HS6ST3: variants seen among roughly 807,000 people sequenced by gnomAD.
HS6ST3 encodes heparan-sulfate 6-O-sulfotransferase 3.
A neutral mutation model predicts 36.7 loss-of-function variants in HS6ST3; 12 were observed. The ratio of observed to expected loss-of-function variants is 0.33; its 90% CI spans 0.21 to 0.53. The LOEUF (loss-of-function observed/expected upper bound fraction) is 0.53, where lower values mean the gene tolerates loss of function less well. Among genes scored for constraint, HS6ST3 ranks in the 20% least tolerant of loss-of-function variants. The probability of loss-of-function intolerance (pLI) is 0.95; values close to 1 mark genes in which losing one functional copy is unlikely to be tolerated. For synonymous variants in HS6ST3, 240 were observed against 257.5 expected (o/e 0.93, Z 0.65); for missense variants, 584 against 640.9 (o/e 0.91, Z 0.96).
intron 1 of HS6ST3, among the ~76,000 whole-genome samples, chr13:96,199,497 C>T (rs894872205): frequency 4.6e-5 from 7 of 152,068 alleles, no homozygotes; most frequent in Admixed American, 2.0e-4. Context: ...ACTTAGCAGG[C>T]TATTATGTAG....
chr13:96,378,111 C>A (rs780003965), intron 1 of HS6ST3, among the ~76,000 whole-genome samples: 7 of 152,206 alleles, frequency 4.6e-5, no homozygotes, highest in Non-Finnish European at 8.8e-5. Flanking sequence ...GACCCCAAAT[C>A]TTGTTTTTGA....
At chr13:96,387,178 C>T (rs1265036268) in intron 1 of HS6ST3, among the ~76,000 whole-genome samples, 1 of 152,150 alleles carries the variant, frequency 6.6e-6, no homozygotes, top group African/African-American at 2.4e-5. Flanking sequence ...TAATATATAG[C>T]TTTGAGATGC....
rs543415977 is a variant in HS6ST3 at position 96,560,780 on chromosome 13, A to G, written c.708-271710A>G. Reference sequence around the variant, plus strand: ...TCAAGAACGTAATGCCATTTACAATAGCTGCAAAATATAGAATACCTAGAA... The same window carrying G: ...TCAAGAACGTAATGCCATTTACAATGGCTGCAAAATATAGAATACCTAGAA... On this transcript the variant is annotated intron_variant, in intron 1 of 1. Coordinates refer to ENST00000376705, the MANE Select transcript of HS6ST3 (RefSeq NM_153456.4). 3.9e-5 allele frequency among the ~76,000 whole-genome samples: 6 copies of G among 152,310 alleles called. No homozygotes were observed. The South Asian group carries it at 1.0e-3, about 26-fold the overall frequency.
At chr13:96,218,389 A>G (rs1336421393) in intron 1 of HS6ST3, among the ~76,000 whole-genome samples, 1 of 152,214 alleles carries the variant, frequency 6.6e-6, no homozygotes, top group African/African-American at 2.4e-5. Context: ...CTCACAGGAC[A>G]GCCTCTGGGG....
intron 1 of HS6ST3, among the ~76,000 whole-genome samples, chr13:96,411,977 G>A (rs925309514): frequency 4.6e-5 from 7 of 151,914 alleles, no homozygotes; most frequent in African/African-American, 1.7e-4. Context: ...AAGGTGGTAT[G>A]CCTGGTATTT....
At chr13:96,180,703 T>C (rs989971813) in intron 1 of HS6ST3, among the ~76,000 whole-genome samples, 5 of 152,208 alleles carry the variant, frequency 3.3e-5, no homozygotes, top group African/African-American at 1.2e-4. Context: ...CTCACAACAA[T>C]TCTATGAGGC....
intron 1 of HS6ST3, among the ~76,000 whole-genome samples, chr13:96,735,733 A>G (rs1048067012): frequency 3.9e-5 from 6 of 152,216 alleles, no homozygotes; most frequent in Admixed American, 3.9e-4. Flanking sequence ...AGTGGAGCTA[A>G]GACTAAATGT....
At chr13:96,246,389 T>C (rs2054585148) in intron 1 of HS6ST3, among the ~76,000 whole-genome samples, 1 of 152,154 alleles carries the variant, frequency 6.6e-6, no homozygotes, top group Non-Finnish European at 1.5e-5. Flanking sequence ...TGCTAATAGG[T>C]TGAAACATTG....
chr13:96,106,160 ACGTC>A (rs1594677871), intron 1 of HS6ST3, among the ~76,000 whole-genome samples: 1 of 152,370 alleles, frequency 6.6e-6, no homozygotes. Flanking sequence ...TAAAGTATTA[ACGTC>A]CAATAAATTC....
At chr13:96,093,970 G>A (rs1245013086) in intron 1 of HS6ST3, among the ~76,000 whole-genome samples, 1 of 152,152 alleles carries the variant, frequency 6.6e-6, no homozygotes, top group Admixed American at 6.5e-5. Flanking sequence ...AAATTGATAA[G>A]TAGATCTTGT....
At chr13:96,786,298 C>A (rs1033919785) in intron 1 of HS6ST3, among the ~76,000 whole-genome samples, 9 of 143,210 alleles carry the variant, frequency 6.3e-5, no homozygotes, top group African/African-American at 2.5e-4. Flanking sequence ...TGCTCCAGTT[C>A]CATGTTCATC....
chr13:96,168,125 G>A lies in HS6ST3; in HGVS notation c.707+76556G>A, dbSNP rs1054020737. ...AAAATAATCTGGGCCTCTAGACCGT[G>A]AAAACTAGTCTCTATTTATTTTGGG... On this transcript the variant is annotated intron_variant, in intron 1 of 1. Transcript: ENST00000376705. Among the ~76,000 whole-genome samples the A allele has an allele frequency of 3.3e-5, 5 of 152,134 alleles. No homozygotes were observed. The East Asian group carries it at 9.6e-4, about 29-fold the overall frequency.
intron 1 of HS6ST3, among the ~76,000 whole-genome samples, chr13:96,118,666 A>G (rs1157070736): frequency 1.9e-4 from 2 of 10,394 alleles, no homozygotes; most frequent in African/African-American, 3.9e-4. Context: ...ATATATATAT[A>G]TATATATATA....
intron 1 of HS6ST3, among the ~76,000 whole-genome samples, chr13:96,250,585 C>G (rs1287505043): frequency 2.0e-5 from 3 of 152,140 alleles, no homozygotes; most frequent in East Asian, 3.8e-4. Context: ...GAATAACAGT[C>G]TCTGTCAGTA....
At chr13:96,544,244 G>T (rs531851507) in intron 1 of HS6ST3, among the ~76,000 whole-genome samples, 12 of 152,190 alleles carry the variant, frequency 7.9e-5, no homozygotes, top group African/African-American at 2.9e-4. Context: ...CACTGACAGG[G>T]ATACTTATAA....
intron 1 of HS6ST3, among the ~76,000 whole-genome samples, chr13:96,588,987 G>T (rs1475341241): frequency 2.0e-5 from 3 of 149,320 alleles, no homozygotes; most frequent in Non-Finnish European, 4.4e-5. Context: ...GGAGGCGGAG[G>T]TTGCAGTGAG....
chr13:96,614,812 G>A (rs916701162), intron 1 of HS6ST3, among the ~76,000 whole-genome samples: 2 of 152,210 alleles, frequency 1.3e-5, no homozygotes, highest in Middle Eastern at 3.4e-3. Flanking sequence ...TAGAATTGAC[G>A]TTTTGCCACA....
chr13:96,618,077 A>G (rs2056480868), intron 1 of HS6ST3, among the ~76,000 whole-genome samples: 1 of 152,164 alleles, frequency 6.6e-6, no homozygotes, highest in African/African-American at 2.4e-5. Context: ...CATCTTGGGC[A>G]ACCCCTGTGA....
At chr13:96,105,064 T>TG (rs1390746866) in intron 1 of HS6ST3, among the ~76,000 whole-genome samples, 3 of 50,454 alleles carry the variant, frequency 5.9e-5, no homozygotes, top group Middle Eastern at 8.2e-3. Context: ...GGCATAAAGA[T>TG]GGAAAAAAAA....
Sources: gnomAD v4.1 joint callset for allele counts (sites outside exome capture counted in the v4.1 genomes callset) on GRCh38, gnomAD v4.1.1 for gene constraint, MANE v1.5 for transcripts, NCBI Gene and HGNC (gene_info 2026-07-23, HGNC 2026-07-21) for gene names.